The following UNC13C variants were observed in gnomAD, a reference collection of about 807,000 sequenced individuals.
UNC13C encodes protein unc-13 homolog C.
In UNC13C, 174 loss-of-function variants were observed where a neutral mutation model predicts 245.4. The observed-to-expected ratio is 0.71, with a 90% CI of 0.63 to 0.80. The LOEUF is 0.80. Ranked by LOEUF, UNC13C falls within the 30% of genes least tolerant of loss-of-function variation. The pLI is 0.00. For missense variants in UNC13C, 2,829 were observed against 2,602.9 expected (o/e 1.09, Z -1.89); for synonymous variants, 992 against 895.1 (o/e 1.11, Z -1.93).
chr15:53,975,414 A>C (rs1052138768), upstream of UNC13C, among the ~76,000 whole-genome samples: 1 of 152,242 alleles, frequency 6.6e-6, no homozygotes, highest in Non-Finnish European at 1.5e-5. Context: ...GCATGGAAAC[A>C]GAGAGCCAAT....
intron 16 of UNC13C, among the ~76,000 whole-genome samples, chr15:54,336,460 A>G (rs1262691531): frequency 2.0e-5 from 3 of 151,398 alleles, no homozygotes; most frequent in African/African-American, 7.3e-5. Context: ...TATCTCATAT[A>G]GCAAGTTTTT....
At chr15:54,103,093 C>A (rs1291610742) in intron 2 of UNC13C, among the ~76,000 whole-genome samples, 2 of 151,928 alleles carry the variant, frequency 1.3e-5, no homozygotes, top group Non-Finnish European at 2.9e-5. Context: ...GGAGAGAAAG[C>A]CCTCTTTCTG....
chr15:54,596,891 A>C (rs1193419238), intron 30 of UNC13C, among the ~76,000 whole-genome samples: 1 of 152,306 alleles, frequency 6.6e-6, no homozygotes, highest in Admixed American at 6.5e-5. Flanking sequence ...TAGTGGTGCC[A>C]TGCTTGTATA....
chr15:53,889,954 C>T, the UNC13C span, among the ~76,000 whole-genome samples: 2 of 152,050 alleles, frequency 1.3e-5, no homozygotes, highest in Non-Finnish European at 2.9e-5. Context: ...ATTCGATTTG[C>T]CAGTATTTTA....
chr15:54,220,526 G>A (rs1022371903), intron 4 of UNC13C, among the ~76,000 whole-genome samples: 4 of 151,498 alleles, frequency 2.6e-5, no homozygotes, highest in Middle Eastern at 3.4e-3. Context: ...CAGCACACCA[G>A]CATGGCACAT....
chr15:54,297,119 G>C (rs1339668142), intron 11 of UNC13C, among the ~76,000 whole-genome samples: 2 of 152,190 alleles, frequency 1.3e-5, no homozygotes, highest in East Asian at 3.9e-4. Flanking sequence ...AAACCAAGTA[G>C]TGACAGCTTT....
chr15:54,083,381 C>T (rs1899059542), intron 2 of UNC13C, among the ~76,000 whole-genome samples: 1 of 152,204 alleles, frequency 6.6e-6, no homozygotes, highest in Non-Finnish European at 1.5e-5. Flanking sequence ...AACTGTATGG[C>T]TTGTCTGGCC....
intron 17 of UNC13C, among the ~76,000 whole-genome samples, chr15:54,368,677 G>A (rs1169383608): frequency 6.6e-6 from 1 of 152,068 alleles, no homozygotes; most frequent in African/African-American, 2.4e-5. Context: ...ATTTTCTTAA[G>A]TGCTGTTTAA....
chr15:53,849,963 G>A, the UNC13C span, among the ~76,000 whole-genome samples: 1 of 152,188 alleles, frequency 6.6e-6, no homozygotes, highest in Non-Finnish European at 1.5e-5. Flanking sequence ...TTTTCCCGCA[G>A]CGTTACCACT....
intron 4 of UNC13C, among the ~76,000 whole-genome samples, chr15:54,172,143 G>A (rs2033422991): frequency 6.6e-6 from 1 of 151,878 alleles, no homozygotes; most frequent in African/African-American, 2.4e-5. Flanking sequence ...AATGGTTAAT[G>A]AATACAAAAA....
chr15:54,135,443 C>G (rs1343827820), intron 2 of UNC13C, among the ~76,000 whole-genome samples: 1 of 152,142 alleles, frequency 6.6e-6, no homozygotes, highest in African/African-American at 2.4e-5. Context: ...GGTTCAGGTC[C>G]TACACTTAAG....
Position 54,613,140 on chromosome 15 carries a change from C to T in UNC13C, c.6107-9187C>T, listed in dbSNP as rs186023696. ...TATAAAAACAATTAGAAGATTTACTCACTACAAAATCAATAGCTTTTTTAC... is the reference window on the plus strand; with the variant it reads ...TATAAAAACAATTAGAAGATTTACTTACTACAAAATCAATAGCTTTTTTAC... On this transcript the variant is annotated intron_variant, in intron 30 of 32. Coordinates refer to ENST00000260323, the MANE Select transcript of UNC13C (RefSeq NM_001080534.3). Among the ~76,000 whole-genome samples, 981 of 151,884 alleles carry T rather than the reference C, an allele frequency of 6.5e-3. 16 individuals are homozygous for T. Among genetic ancestry groups the T allele is most frequent in the Admixed American group, 0.04 (613 of 15,266 alleles).
At chr15:54,549,576 T>C (rs920801134) in intron 27 of UNC13C, 59 bp from the exon 28 acceptor site, 2 of 1,263,496 alleles carry the variant, frequency 1.6e-6, no homozygotes, top group African/African-American at 3.0e-5. Flanking sequence ...GCATTTCTAT[T>C]GTGACTAATA....
intron 18 of UNC13C, among the ~76,000 whole-genome samples, chr15:54,404,113 G>T (rs1157163845): frequency 6.6e-6 from 1 of 152,024 alleles, no homozygotes; most frequent in Non-Finnish European, 1.5e-5. Context: ...ATGTAAAAAG[G>T]GCACAACAAA....
intron 2 of UNC13C, among the ~76,000 whole-genome samples, chr15:54,055,111 A>C (rs144240440): frequency 8.1e-4 from 123 of 152,352 alleles, no homozygotes; most frequent in African/African-American, 2.8e-3. Flanking sequence ...CTCTGTGACT[A>C]CAATGGCAAA....
the UNC13C span, among the ~76,000 whole-genome samples, chr15:53,846,979 C>T: frequency 5.9e-5 from 9 of 152,084 alleles, no homozygotes; most frequent in East Asian, 1.9e-4. Context: ...CAGAGGTCAG[C>T]GCTGAGAATA....
At chr15:54,235,858 A>G (rs933402193) in intron 5 of UNC13C, among the ~76,000 whole-genome samples, 6 of 152,204 alleles carry the variant, frequency 3.9e-5, no homozygotes, top group Non-Finnish European at 8.8e-5. Context: ...TCAAAAATAA[A>G]AATAAAAATA....
chr15:54,235,362 G>A (rs1053256715), intron 5 of UNC13C, among the ~76,000 whole-genome samples: 7 of 152,044 alleles, frequency 4.6e-5, no homozygotes, highest in East Asian at 1.9e-4. Flanking sequence ...CTAATAATTG[G>A]AGCAAAAAGA....
downstream of UNC13C, chr15:54,628,722 A>G (rs542135322): frequency 6.6e-6 from 1 of 152,230 alleles, no homozygotes; most frequent in Non-Finnish European, 1.5e-5. Flanking sequence ...TTTGGTTCTA[A>G]CATCTCATTA....
Sources: allele counts gnomAD v4.1 joint callset (sites outside exome capture counted in the v4.1 genomes callset), GRCh38; gene constraint gnomAD v4.1.1; transcripts MANE v1.5; gene names NCBI Gene and HGNC (gene_info 2026-07-23, HGNC 2026-07-21).